PRKG1: variants seen among roughly 807,000 people sequenced by gnomAD.
PRKG1 encodes the protein protein kinase cGMP-dependent 1.
A neutral mutation model predicts 88.1 loss-of-function variants in PRKG1; 35 were observed. That is an observed-to-expected ratio of 0.40 (90% CI 0.30 to 0.53). The LOEUF (loss-of-function observed/expected upper bound fraction) is 0.53, where lower values mean the gene tolerates loss of function less well. PRKG1 is among the 20% of genes least tolerant of loss of function. The pLI, the probability that PRKG1 is intolerant of heterozygous loss-of-function variation, is 0.59. For missense variants in PRKG1, 540 were observed against 839.8 expected, an observed-to-expected ratio of 0.64 and a Z score of 4.41; for synonymous variants, 303 against 292.5, an observed-to-expected ratio of 1.04 and a Z score of -0.37.
At chr10:52,031,854 G>C (rs950610964) in intron 5 of PRKG1, among the ~76,000 whole-genome samples, 24 of 152,166 alleles carry the variant, frequency 1.6e-4, no homozygotes, top group African/African-American at 5.8e-4. Context: ...TAATTTATTA[G>C]ACAACTGGAT....
At chr10:51,119,192 A>G (rs976185132) in intron 1 of PRKG1, among the ~76,000 whole-genome samples, 8 of 152,062 alleles carry the variant, frequency 5.3e-5, no homozygotes, top group Admixed American at 2.0e-4. Context: ...TTCAGTTAGT[A>G]TGGTTCAGTT....
intron 3 of PRKG1, among the ~76,000 whole-genome samples, chr10:51,781,726 T>A (rs1838594174): frequency 6.6e-6 from 1 of 152,104 alleles, no homozygotes; most frequent in Non-Finnish European, 1.5e-5. Flanking sequence ...GCAGGAAAAG[T>A]AGGCTGTAGC....
At chr10:52,034,459 A>G (rs1418816304) in intron 5 of PRKG1, among the ~76,000 whole-genome samples, 129 of 151,084 alleles carry the variant, frequency 8.5e-4, no homozygotes, top group African/African-American at 2.1e-3. Context: ...GTGATGGCCT[A>G]GATATGGATT....
chr10:51,699,183 C>T (rs1443850912), intron 3 of PRKG1: 1 of 1,614,184 alleles, frequency 6.2e-7, no homozygotes, highest in Non-Finnish European at 8.5e-7. Flanking sequence ...TCAGGGGCAT[C>T]TTCTGGATCG....
In PRKG1 at chr10:52,093,205, C is replaced by T. The variant is rs543523783; in HGVS notation, c.935+30574C>T. Among the ~76,000 whole-genome samples the T allele has an allele frequency of 2.5e-3, 377 of 152,186 alleles. 2 individuals carry two copies. The highest frequency in any genetic ancestry group is 8.5e-3 in the African/African-American group (352 of 41,544). On this transcript the variant is annotated intron_variant, in intron 7 of 17. Coordinates refer to ENST00000373980, the MANE Select transcript of PRKG1 (RefSeq NM_006258.4). The stretch of plus-strand genomic sequence containing the variant: ...GAACATAAAGAAGTGAAGATTACTA[C>T]GTAATAGAGACGTTTTGTTTCTTTA...
At chr10:51,859,169 G>A (rs532749817) in intron 4 of PRKG1, among the ~76,000 whole-genome samples, 16 of 152,262 alleles carry the variant, frequency 1.1e-4, no homozygotes, top group African/African-American at 1.9e-4. Flanking sequence ...TTAAATTGGC[G>A]TTCAAATGTG....
intron 5 of PRKG1, among the ~76,000 whole-genome samples, chr10:52,024,329 T>A (rs1365748691): frequency 6.7e-6 from 1 of 148,362 alleles, no homozygotes; most frequent in Non-Finnish European, 1.5e-5. Flanking sequence ...TTTTTTTTTA[T>A]TCTTTTTTTT....
At chr10:51,919,933 T>C (rs971369238) in intron 5 of PRKG1, among the ~76,000 whole-genome samples, 5 of 152,166 alleles carry the variant, frequency 3.3e-5, no homozygotes, top group African/African-American at 1.2e-4. Context: ...ATTTGTTGAA[T>C]CAGAAGTCTG....
At chr10:51,576,451 G>A (rs1837889708) in intron 3 of PRKG1, among the ~76,000 whole-genome samples, 1 of 151,860 alleles carries the variant, frequency 6.6e-6, no homozygotes, top group South Asian at 2.1e-4. Flanking sequence ...AAATAGCAGG[G>A]CCCTTTTGAT....
chr10:51,270,012 G>A (rs976676722), intron 2 of PRKG1, among the ~76,000 whole-genome samples: 1 of 152,196 alleles, frequency 6.6e-6, no homozygotes, highest in Non-Finnish European at 1.5e-5. Flanking sequence ...ACAGCTTGAG[G>A]TGAAGGAGGT....
At chr10:51,391,130 G>A (rs950489697) in intron 2 of PRKG1, among the ~76,000 whole-genome samples, 1 of 152,126 alleles carries the variant, frequency 6.6e-6, no homozygotes, top group African/African-American at 2.4e-5. Flanking sequence ...CTAGAACCTA[G>A]TTTCTTCATC....
chr10:52,060,307 A>G (rs1846207972), intron 6 of PRKG1, among the ~76,000 whole-genome samples: 1 of 151,918 alleles, frequency 6.6e-6, no homozygotes, highest in Non-Finnish European at 1.5e-5. Flanking sequence ...GATAATTGGG[A>G]TAATACTTCT....
At chr10:51,963,395 G>A (rs1843492651) in intron 5 of PRKG1, among the ~76,000 whole-genome samples, 2 of 152,006 alleles carry the variant, frequency 1.3e-5, no homozygotes, top group Admixed American at 1.3e-4. Flanking sequence ...ATATTACTGT[G>A]AAGCAGTTTT....
intron 3 of PRKG1, among the ~76,000 whole-genome samples, chr10:51,640,644 T>C (rs928722683): frequency 1.3e-5 from 2 of 152,146 alleles, no homozygotes; most frequent in African/African-American, 4.8e-5. Flanking sequence ...TCTGACTACA[T>C]TTTTAGGGTG....
Position 51,550,369 on chromosome 10 carries a change from C to T in PRKG1, c.592+82533C>T, listed in dbSNP as rs767247943. Among the ~76,000 whole-genome samples, 59 of 152,002 alleles carry T rather than the reference C, an allele frequency of 3.9e-4. No individual in the cohort carries two copies. In the Middle Eastern group the frequency reaches 0.01, roughly 26 times the overall value. On this transcript the variant is annotated intron_variant, in intron 3 of 17. Transcript: ENST00000373980. The stretch of plus-strand genomic sequence containing the variant: ...TATACTTTGTCTTTTCTTTTGCTGT[C>T]TTCTTTTTTAAAATTAGTTTTTTTT...
chr10:51,991,707 A>G (rs1160542128), intron 5 of PRKG1, among the ~76,000 whole-genome samples: 1 of 152,184 alleles, frequency 6.6e-6, no homozygotes, highest in Non-Finnish European at 1.5e-5. Flanking sequence ...AAAGGACATG[A>G]ACTCATCATT....
In PRKG1 at chr10:51,960,992, C is replaced by CA. The variant is rs535150985; in HGVS notation, c.762+53423dup. Among the ~76,000 whole-genome samples the CA allele has an allele frequency of 6.6e-5, 10 of 152,246 alleles. 1 individual carries two copies. The South Asian group carries it at 2.1e-3, about 32-fold the overall frequency. On this transcript the variant is annotated intron_variant, in intron 5 of 17. Transcript: ENST00000373980. ...TGAGCTCATTTGATATGTGTTCTGC[C>CA]AGTCTTCATGTTATCACACAGGCTA...
chr10:51,002,667 C>T (rs965090333), intron 1 of PRKG1, among the ~76,000 whole-genome samples: 1 of 152,062 alleles, frequency 6.6e-6, no homozygotes, highest in Admixed American at 6.6e-5. Context: ...AGTCTGTGAC[C>T]CCTTTCATGT....
chr10:51,796,382 T>C (rs896238064), intron 3 of PRKG1, among the ~76,000 whole-genome samples: 1 of 152,140 alleles, frequency 6.6e-6, no homozygotes, highest in Non-Finnish European at 1.5e-5. Context: ...TAACATGTAA[T>C]AAATGTAAAA....
Sources: gnomAD v4.1 joint callset for allele counts (sites outside exome capture counted in the v4.1 genomes callset) on GRCh38, gnomAD v4.1.1 for gene constraint, MANE v1.5 for transcripts, NCBI Gene and HGNC (gene_info 2026-07-23, HGNC 2026-07-21) for gene names.